The following MAD1L1 variants were observed in gnomAD, a reference collection of about 807,000 sequenced individuals.
MAD1L1 encodes the protein mitotic spindle assembly checkpoint protein MAD1.
Under a neutral mutation model 96.9 loss-of-function variants are expected in MAD1L1, and 95 were observed. The ratio of observed to expected loss-of-function variants is 0.98; its 90% CI spans 0.83 to 1.16. The LOEUF (loss-of-function observed/expected upper bound fraction) is 1.16, where lower values mean the gene tolerates loss of function less well. MAD1L1 is among the 50% of genes most tolerant of loss of function. The pLI, the probability that MAD1L1 is intolerant of heterozygous loss-of-function variation, is 0.00. For missense variants in MAD1L1, 1,007 were observed against 954.4 expected, an observed-to-expected ratio of 1.06 and a Z score of -0.73; for synonymous variants, 473 against 396.6, an observed-to-expected ratio of 1.19 and a Z score of -2.29.
intron 17 of MAD1L1, among the ~76,000 whole-genome samples, chr7:1,904,102 G>A (rs185298742): frequency 5.0e-5 from 4 of 80,360 alleles, no homozygotes; most frequent in African/African-American, 3.4e-5. Context: ...ACGCTCTTGC[G>A]GAACTCAAGA....
intron 12 of MAD1L1, among the ~76,000 whole-genome samples, chr7:2,016,603 G>T (rs371022287): frequency 6.6e-6 from 1 of 152,220 alleles, no homozygotes; most frequent in Admixed American, 6.5e-5. Context: ...CGAGGAGGGC[G>T]AGGCTGCAGG....
chr7:2,172,569 G>A (rs952986513), intron 10 of MAD1L1, among the ~76,000 whole-genome samples: 29 of 152,238 alleles, frequency 1.9e-4, no homozygotes, highest in African/African-American at 5.5e-4. Context: ...GGGCGCCGCC[G>A]CCAGGACGGG....
chr7:2,005,384 C>T (rs991276133), intron 13 of MAD1L1, among the ~76,000 whole-genome samples: 1 of 152,190 alleles, frequency 6.6e-6, no homozygotes, highest in African/African-American at 2.4e-5. Flanking sequence ...TGTCGTCCGA[C>T]AGGCTGAAAA....
chr7:1,899,041 C>T (rs61592117), intron 17 of MAD1L1, among the ~76,000 whole-genome samples: 5,957 of 152,266 alleles, frequency 0.039, 238 homozygotes, highest in East Asian at 0.095. Context: ...TGCCAGCCAC[C>T]TCTGAGGTCA....
chr7:1,952,821 G>GA (rs1234235171), intron 16 of MAD1L1, among the ~76,000 whole-genome samples: 1 of 152,258 alleles, frequency 6.6e-6, no homozygotes, highest in African/African-American at 2.4e-5. Flanking sequence ...GAAGGTTCAG[G>GA]AGAAAGAGCC....
intron 18 of MAD1L1, among the ~76,000 whole-genome samples, chr7:1,886,053 C>T (rs1033911756): frequency 3.9e-5 from 6 of 152,382 alleles, no homozygotes; most frequent in East Asian, 3.9e-4. Context: ...CCCTCGTCCG[C>T]GTATCAGGGC....
chr7:2,212,300 G>A (rs778265894), intron 10 of MAD1L1, among the ~76,000 whole-genome samples: 97 of 152,312 alleles, frequency 6.4e-4, no homozygotes, highest in Middle Eastern at 3.4e-3. Context: ...CCACCCAAGC[G>A]CTGGCACTCA....
At chr7:1,885,292 T>C (rs912017119) in intron 18 of MAD1L1, among the ~76,000 whole-genome samples, 1 of 152,188 alleles carries the variant, frequency 6.6e-6, no homozygotes, top group Non-Finnish European at 1.5e-5. Context: ...ACATGCCCTC[T>C]GCCCACACCA....
At chr7:2,105,863 G>A (rs1300562907) in intron 11 of MAD1L1, among the ~76,000 whole-genome samples, 1 of 152,040 alleles carries the variant, frequency 6.6e-6, no homozygotes, top group Non-Finnish European at 1.5e-5. Context: ...TAGGGCAGCA[G>A]GAAAGGCCCC....
chr7:2,071,917 G>GC (rs1785149290), intron 11 of MAD1L1, among the ~76,000 whole-genome samples: 4 of 152,144 alleles, frequency 2.6e-5, no homozygotes, highest in Admixed American at 6.5e-5. Context: ...GGGAGGGCAC[G>GC]GACGCTCTGC....
chr7:1,845,833 T>C (rs1478454293), intron 18 of MAD1L1: 1 of 152,600 alleles, frequency 6.6e-6, no homozygotes, highest in East Asian at 1.9e-4. Flanking sequence ...CTCTTGGGCA[T>C]TCAGAGCCAG....
At chr7:1,864,654 C>G (rs1018519043) in intron 18 of MAD1L1, among the ~76,000 whole-genome samples, 1 of 152,248 alleles carries the variant, frequency 6.6e-6, no homozygotes, top group African/African-American at 2.4e-5. Flanking sequence ...GTCTCCCGAC[C>G]TCACGTGGAC....
At chr7:1,829,065 A>T (rs1782572249) in intron 18 of MAD1L1, among the ~76,000 whole-genome samples, 1 of 152,180 alleles carries the variant, frequency 6.6e-6, no homozygotes, top group Non-Finnish European at 1.5e-5. Context: ...AAAAGGAAAA[A>T]ACGGAAAGAC....
chr7:2,073,818 G>C (rs1195663892), intron 11 of MAD1L1, among the ~76,000 whole-genome samples: 1 of 152,230 alleles, frequency 6.6e-6, no homozygotes, highest in Admixed American at 6.5e-5. Flanking sequence ...CATGAACGGA[G>C]ATGGGAGAAG....
intron 11 of MAD1L1, chr7:2,109,628 G>C (rs540245356): frequency 6.6e-6 from 1 of 152,232 alleles, no homozygotes; most frequent in Non-Finnish European, 1.5e-5. Context: ...GGTTAACGTA[G>C]GAAGTTTAGC....
intron 16 of MAD1L1, 129 bp from the exon 17 acceptor site, chr7:1,937,026 C>G: frequency 1.4e-6 from 1 of 724,402 alleles, no homozygotes; most frequent in Non-Finnish European, 2.2e-6. Flanking sequence ...GTGCTCAGTT[C>G]TTTTGTCTTC....
At chr7:2,179,305 G>A (rs1420409266) in intron 10 of MAD1L1, among the ~76,000 whole-genome samples, 1 of 152,044 alleles carries the variant, frequency 6.6e-6, no homozygotes, top group African/African-American at 2.4e-5. Flanking sequence ...CGAGGCACAT[G>A]GACCACAAGG....
chr7:1,870,733 G>A (rs1785024293), intron 18 of MAD1L1, among the ~76,000 whole-genome samples: 1 of 141,998 alleles, frequency 7.0e-6, no homozygotes, highest in African/African-American at 2.7e-5. Context: ...CGTAACACCT[G>A]CCACGCTGAA....
intron 14 of MAD1L1, 132 bp downstream of exon 14, chr7:2,001,929 TCAAC>T (rs1781814308): frequency 1.1e-6 from 1 of 874,282 alleles, no homozygotes; most frequent in African/African-American, 1.7e-5. Flanking sequence ...CCTTCCCCGC[TCAAC>T]GCAGCTTCCG....
Sources: gnomAD v4.1 joint callset for allele counts (sites outside exome capture counted in the v4.1 genomes callset) on GRCh38, gnomAD v4.1.1 for gene constraint, MANE v1.5 for transcripts, NCBI Gene and HGNC (gene_info 2026-07-23, HGNC 2026-07-21) for gene names.